Variants in PAK1 observed in about 807,000 individuals in gnomAD.
PAK1 encodes p21 (RAC1) activated kinase 1, also known as serine/threonine-protein kinase PAK 1.
A neutral mutation model predicts 67.4 loss-of-function variants in PAK1; 29 were observed. The ratio of observed to expected loss-of-function variants is 0.43; its 90% CI spans 0.32 to 0.59. The LOEUF (loss-of-function observed/expected upper bound fraction) is 0.59, where lower values mean the gene tolerates loss of function less well. PAK1 is among the 20% of genes least tolerant of loss of function. The pLI is 0.07. For missense variants in PAK1, 337 were observed against 670.7 expected, an observed-to-expected ratio of 0.50 and a Z score of 5.50; for synonymous variants, 223 against 237.4, an observed-to-expected ratio of 0.94 and a Z score of 0.56.
chr11:77,516,838 C>CAAA, the PAK1 span, among the ~76,000 whole-genome samples: 53 of 95,154 alleles, frequency 5.6e-4, 1 homozygote, highest in African/African-American at 9.1e-4. Context: ...CCCCATCTCT[C>CAAA]AAAAAAAAAA....
At chr11:77,445,016 G>A (rs1322960193) in intron 1 of PAK1, among the ~76,000 whole-genome samples, 1 of 152,068 alleles carries the variant, frequency 6.6e-6, no homozygotes, top group Non-Finnish European at 1.5e-5. Context: ...AATACCTTAG[G>A]ATTGACCTTA....
chr11:77,508,993 G>A, the PAK1 span, among the ~76,000 whole-genome samples: 2 of 140,836 alleles, frequency 1.4e-5, no homozygotes, highest in Admixed American at 7.0e-5. Flanking sequence ...GCATCTGGCC[G>A]GGCGCGGTGG....
intron 2 of PAK1, among the ~76,000 whole-genome samples, chr11:77,390,014 A>G (rs1295860443): frequency 6.6e-6 from 1 of 152,236 alleles, no homozygotes; most frequent in African/African-American, 2.4e-5. Context: ...GATAAGATAC[A>G]ATATTAAAAA....
chr11:77,488,157 T>A, the PAK1 span, among the ~76,000 whole-genome samples: 1 of 152,218 alleles, frequency 6.6e-6, no homozygotes, highest in Non-Finnish European at 1.5e-5. Context: ...TGCTTCTGCA[T>A]CTTATCGAAG....
chr11:77,449,397 T>C lies in PAK1; in HGVS notation c.-22+24155A>G, dbSNP rs777664010. ...CATCAACTATCTGTTCTCATGTTAA[T>C]GAAGGAAGGAAGAGCAGCAAGACCA... On this transcript the variant is annotated intron_variant, in intron 1 of 14. Coordinates refer to ENST00000356341, the MANE Select transcript of PAK1 (RefSeq NM_002576.5). 1.3e-5 allele frequency among the ~76,000 whole-genome samples: 2 copies of C among 152,144 alleles called. 1 individual carries two copies. The highest frequency in any genetic ancestry group is 3.9e-4 in the East Asian group (2 of 5,190).
chr11:77,474,571 A>C (rs932680245), upstream of PAK1: 2 of 152,182 alleles, frequency 1.3e-5, no homozygotes, highest in African/African-American at 4.8e-5. Flanking sequence ...TCAGGTTAAC[A>C]AAGCACCACC....
At chr11:77,423,402 T>TACAC (rs5792767) in intron 1 of PAK1, among the ~76,000 whole-genome samples, 14,621 of 136,844 alleles carry the variant, frequency 0.11, 754 homozygotes, top group Non-Finnish European at 0.13. Context: ...TGCTTTCAAA[T>TACAC]ACACACACAC....
intron 2 of PAK1, among the ~76,000 whole-genome samples, chr11:77,385,157 G>A (rs1306876882): frequency 3.9e-5 from 6 of 152,274 alleles, no homozygotes; most frequent in South Asian, 4.1e-4. Context: ...AAAAACAGGA[G>A]AAGGGTATTC....
intron 1 of PAK1, chr11:77,455,779 T>A (rs1957054140): frequency 6.6e-6 from 1 of 152,202 alleles, no homozygotes. Flanking sequence ...TTGCATCAGC[T>A]CTTCTATCAG....
intron 1 of PAK1, among the ~76,000 whole-genome samples, chr11:77,399,352 T>A (rs1040887698): frequency 2.0e-5 from 3 of 152,152 alleles, no homozygotes; most frequent in Non-Finnish European, 4.4e-5. Context: ...TAAATTGAAT[T>A]TGAGTGATCA....
intron 1 of PAK1, among the ~76,000 whole-genome samples, chr11:77,449,803 T>C (rs1956779147): frequency 6.6e-6 from 1 of 151,914 alleles, no homozygotes; most frequent in African/African-American, 2.4e-5. Context: ...CTATTCTATC[T>C]AGGACTTTCC....
intron 9 of PAK1, among the ~76,000 whole-genome samples, chr11:77,347,372 T>C (rs1944587451): frequency 6.6e-6 from 1 of 152,102 alleles, no homozygotes; most frequent in Non-Finnish European, 1.5e-5. Flanking sequence ...GAGTCAAAGA[T>C]TCTAATCCAG....
intron 9 of PAK1, chr11:77,347,027 G>A (rs1465469031): frequency 2.2e-6 from 1 of 456,132 alleles, no homozygotes. Flanking sequence ...CAATAAGCAA[G>A]AACTCACAAA....
intron 14 of PAK1, among the ~76,000 whole-genome samples, chr11:77,327,663 C>T (rs1940355007): frequency 6.6e-6 from 1 of 152,222 alleles, no homozygotes; most frequent in Non-Finnish European, 1.5e-5. Flanking sequence ...ACAACCAGTA[C>T]CAGCCACTGC....
intron 14 of PAK1, among the ~76,000 whole-genome samples, chr11:77,324,172 CTTT>C (rs11324143): frequency 7.1e-5 from 9 of 127,430 alleles, no homozygotes; most frequent in Admixed American, 8.0e-5. Flanking sequence ...AAAGCAATTC[CTTT>C]TTTTTTTTTT....
At chr11:77,443,814 TAA>T (rs1392784762) in intron 1 of PAK1, among the ~76,000 whole-genome samples, 1 of 152,118 alleles carries the variant, frequency 6.6e-6, no homozygotes, top group East Asian at 1.9e-4. Context: ...ATGAGAAAAT[TAA>T]AAGATTCAGA....
At chr11:77,376,158 T>C (rs562666793) in intron 4 of PAK1, among the ~76,000 whole-genome samples, 4 of 152,316 alleles carry the variant, frequency 2.6e-5, no homozygotes, top group African/African-American at 7.2e-5. Context: ...TTTTTGAAGA[T>C]TGGGTATTTT....
intron 1 of PAK1, among the ~76,000 whole-genome samples, chr11:77,440,614 T>C (rs1347553136): frequency 6.6e-6 from 1 of 152,224 alleles, no homozygotes; most frequent in African/African-American, 2.4e-5. Flanking sequence ...TCTTAGAATC[T>C]TTCTACTAAA....
At chr11:77,467,773 A>T (rs1957665708) in intron 1 of PAK1, among the ~76,000 whole-genome samples, 1 of 152,244 alleles carries the variant, frequency 6.6e-6, no homozygotes. Flanking sequence ...CTTCACAAGA[A>T]TTCTGTAAGT....
Sources: gnomAD v4.1 joint callset for allele counts (sites outside exome capture counted in the v4.1 genomes callset) on GRCh38, gnomAD v4.1.1 for gene constraint, MANE v1.5 for transcripts, NCBI Gene and HGNC (gene_info 2026-07-23, HGNC 2026-07-21) for gene names.